COX17: variants seen among roughly 807,000 people sequenced by gnomAD.
COX17 encodes cytochrome c oxidase copper chaperone COX17.
In COX17, 1 loss-of-function variant was observed where a neutral mutation model predicts 6.3. That is an observed-to-expected ratio of 0.16 (90% CI 0.06 to 0.75). The LOEUF (loss-of-function observed/expected upper bound fraction) is 0.75, where lower values mean the gene tolerates loss of function less well. COX17 is among the 30% of genes least tolerant of loss of function. The pLI, the probability that COX17 is intolerant of heterozygous loss-of-function variation, is 0.77. For synonymous variants in COX17, 26 were observed against 30.5 expected (o/e 0.85, Z 0.49); for missense variants, 73 against 81.2 (o/e 0.90, Z 0.39).
intron 2 of COX17, 76 bp from the exon 3 acceptor site, chr3:119,669,741 C>T (rs1321299640): frequency 6.6e-6 from 1 of 151,982 alleles, no homozygotes; most frequent in Non-Finnish European, 1.5e-5. Context: ...GAATTAAGAC[C>T]ACTAGAAATG....
At chr3:119,672,459 C>T (rs948029761) in intron 2 of COX17, among the ~76,000 whole-genome samples, 4 of 151,874 alleles carry the variant, frequency 2.6e-5, no homozygotes, top group African/African-American at 7.3e-5. Flanking sequence ...ATTAGCATTT[C>T]TTTTTATTTA....
intron 2 of COX17, among the ~76,000 whole-genome samples, 196 bp downstream of exon 2, chr3:119,674,949 C>T (rs1236132664): frequency 1.3e-5 from 2 of 152,174 alleles, no homozygotes; most frequent in African/African-American, 2.4e-5. Flanking sequence ...CTCAATTCTC[C>T]CCTTCCCCAA....
At chr3:119,671,004 A>C (rs2053038501) in intron 2 of COX17, among the ~76,000 whole-genome samples, 1 of 152,160 alleles carries the variant, frequency 6.6e-6, no homozygotes, top group South Asian at 2.1e-4. Flanking sequence ...TACTCTTTTC[A>C]GTAAAAGCAG....
chr3:119,675,012 G>A (rs1390969786), intron 2 of COX17, 133 bp downstream of exon 2: 1 of 645,916 alleles, frequency 1.5e-6, no homozygotes, highest in Non-Finnish European at 2.7e-6. Context: ...ATTGGGAACT[G>A]AAAAATCATG....
chr3:119,668,135 C>A (rs1181443049), downstream of COX17, among the ~76,000 whole-genome samples: 1 of 135,788 alleles, frequency 7.4e-6, no homozygotes, highest in Non-Finnish European at 1.7e-5. Flanking sequence ...AAATATGTAG[C>A]ATAGAAAAAA....
In COX17 at chr3:119,676,473, C is replaced by A. The variant is rs115651926; in HGVS notation, c.107+731G>T. Among the ~76,000 whole-genome samples the A allele has an allele frequency of 1.4e-3, 208 of 152,318 alleles. 1 individual carries two copies. The highest frequency in any genetic ancestry group is 4.8e-3 in the African/African-American group (201 of 41,576). Reference sequence around the variant, plus strand: ...ACGTCCTCTAATGAGATTTGCTCCACAAGAGAGGCTATATAAAATGAGAAC... The same window carrying A: ...ACGTCCTCTAATGAGATTTGCTCCAAAAGAGAGGCTATATAAAATGAGAAC... On this transcript the variant is annotated intron_variant, in intron 1 of 2. Transcript: ENST00000261070.
chr3:119,665,096 A>G (rs942304363), downstream of COX17, among the ~76,000 whole-genome samples: 15 of 152,180 alleles, frequency 9.9e-5, no homozygotes, highest in Non-Finnish European at 8.8e-5. Context: ...AAGTTGCCAG[A>G]GCCTGAACTA....
intron 1 of COX17, among the ~76,000 whole-genome samples, chr3:119,675,735 A>G (rs2107835915): frequency 6.6e-6 from 1 of 152,340 alleles, no homozygotes; most frequent in Non-Finnish European, 1.5e-5. Context: ...TTTACTTGTA[A>G]AATTCACAAA....
downstream of COX17, among the ~76,000 whole-genome samples, chr3:119,668,935 G>C (rs2053017494): frequency 1.3e-5 from 2 of 152,012 alleles, no homozygotes; most frequent in Non-Finnish European, 2.9e-5. Context: ...GCACTGAGCT[G>C]TTTGATTAGT....
chr3:119,664,018 C>T (rs2052971505), intron 3 of COX17, among the ~76,000 whole-genome samples: 1 of 152,186 alleles, frequency 6.6e-6, no homozygotes, highest in Non-Finnish European at 1.5e-5. Flanking sequence ...GGCATTTATT[C>T]AGGACAGACT....
At chr3:119,671,567 T>C (rs914516195) in intron 2 of COX17, among the ~76,000 whole-genome samples, 1 of 152,228 alleles carries the variant, frequency 6.6e-6, no homozygotes, top group African/African-American at 2.4e-5. Flanking sequence ...TGCAGACAGT[T>C]GTGTTGGATT....
At chr3:119,672,536 G>C (rs536196322) in intron 2 of COX17, among the ~76,000 whole-genome samples, 2 of 152,232 alleles carry the variant, frequency 1.3e-5, no homozygotes, top group South Asian at 4.1e-4. Flanking sequence ...GAGGGAGTTA[G>C]ATCATGAACA....
At chr3:119,669,366 GGTCA>G (rs1192950234), downstream of COX17, 2 of 152,094 alleles carry the variant, frequency 1.3e-5, no homozygotes, top group Middle Eastern at 3.4e-3. Flanking sequence ...CATTGGTTGA[GGTCA>G]GTATCTGCTT....
downstream of COX17, among the ~76,000 whole-genome samples, chr3:119,667,348 AG>A: frequency 6.6e-6 from 1 of 152,144 alleles, no homozygotes. Context: ...GGGTGGGCAG[AG>A]GGTCTTGTGA....
At chr3:119,671,374 A>G (rs1022260463) in intron 2 of COX17, among the ~76,000 whole-genome samples, 3 of 152,374 alleles carry the variant, frequency 2.0e-5, no homozygotes, top group Admixed American at 2.0e-4. Context: ...CACTTGAGGT[A>G]CAATTAAGAT....
chr3:119,674,055 C>T (rs1255840367), intron 2 of COX17, among the ~76,000 whole-genome samples: 1 of 152,140 alleles, frequency 6.6e-6, no homozygotes, highest in Non-Finnish European at 1.5e-5. Flanking sequence ...CTCTGCCCAG[C>T]TGCTGCCCCG....
At chr3:119,667,369 T>C (rs2053001892), downstream of COX17, among the ~76,000 whole-genome samples, 1 of 152,076 alleles carries the variant, frequency 6.6e-6, no homozygotes, top group African/African-American at 2.4e-5. Context: ...AGATGTACTT[T>C]TAAGTGTTGC....
intron 1 of COX17, 78 bp downstream of exon 1, chr3:119,677,126 C>T (rs558206349): frequency 2.8e-6 from 3 of 1,055,390 alleles, no homozygotes; most frequent in East Asian, 5.0e-5. Flanking sequence ...AGGGCAGAGG[C>T]CGTAGGGCAG....
chr3:119,673,496 C>T (rs1004744780), intron 2 of COX17, among the ~76,000 whole-genome samples: 4 of 152,186 alleles, frequency 2.6e-5, no homozygotes, highest in African/African-American at 9.7e-5. Flanking sequence ...CTCTCACCAG[C>T]CACAATTCAA....
Sources: allele counts gnomAD v4.1 joint callset (sites outside exome capture counted in the v4.1 genomes callset), GRCh38; gene constraint gnomAD v4.1.1; transcripts MANE v1.5; gene names NCBI Gene and HGNC (gene_info 2026-07-23, HGNC 2026-07-21).